Variants in CSMD3 observed in about 807,000 individuals in gnomAD.
CSMD3 encodes CUB and sushi domain-containing protein 3.
Under a neutral mutation model 435.2 loss-of-function variants are expected in CSMD3, and 177 were observed. The observed-to-expected ratio is 0.41, with a 90% CI of 0.36 to 0.46. The LOEUF is 0.46. Ranked by LOEUF, CSMD3 falls within the 20% of genes least tolerant of loss-of-function variation. CSMD3 has a pLI of 0.34. For missense variants in CSMD3, 4,265 were observed against 4,504.6 expected (o/e 0.95, Z 1.52); for synonymous variants, 1,656 against 1,520.5 (o/e 1.09, Z -2.07).
At chr8:112,236,349 T>A (rs1813597565) in intron 67 of CSMD3, among the ~76,000 whole-genome samples, 1 of 152,210 alleles carries the variant, frequency 6.6e-6, no homozygotes, top group South Asian at 2.1e-4. Flanking sequence ...TGCATTAATT[T>A]GAAAATATTT....
chr8:112,946,768 C>T (rs1366102016), intron 9 of CSMD3, among the ~76,000 whole-genome samples: 3 of 151,588 alleles, frequency 2.0e-5, no homozygotes, highest in South Asian at 2.1e-4. Flanking sequence ...TATTAAGTTT[C>T]GAGCGTGGTT....
chr8:112,954,713 C>T lies in CSMD3; in HGVS notation c.1391G>A (p.Gly464Glu), dbSNP rs1362320892. 6 of 1,604,390 alleles carry T rather than the reference C, an allele frequency of 3.7e-6. No homozygotes were observed. Among genetic ancestry groups the T allele is most frequent in the South Asian group, 1.1e-5 (1 of 90,746 alleles). Residue 464 changes from glycine to glutamate, a missense_variant, in exon 8 of 71, where the codon GGG (glycine) becomes GAG (glutamate). Around this residue, in one of 3 missense-constraint regions of CSMD3, gnomAD observed 731 missense variants for 755.4 expected, o/e 0.97. Coordinates refer to ENST00000297405, the MANE Select transcript of CSMD3 (RefSeq NM_198123.2). ...FKSRGFKLFPGKDNSNKFSIL... is the reference protein window; with the variant it reads ...FKSRGFKLFPEKDNSNKFSIL... ...AGAAAACTTGTTGCTGTTGTCTTTC[C>T]CTGGAAACAATTTAAATCCTCTAGA...
intron 18 of CSMD3, among the ~76,000 whole-genome samples, chr8:112,655,039 T>C (rs1228138941): frequency 6.6e-6 from 1 of 152,160 alleles, no homozygotes. Context: ...TTACAAAATA[T>C]GCTTTCATGC....
At chr8:113,066,616 G>A (rs1420224738) in intron 5 of CSMD3, among the ~76,000 whole-genome samples, 1 of 151,946 alleles carries the variant, frequency 6.6e-6, no homozygotes, top group Non-Finnish European at 1.5e-5. Context: ...CCTCATTTGG[G>A]CTAGTATTCC....
At position 112,503,979 on chromosome 8, in the gene CSMD3, TGA is replaced by T. The variant is rs1491453585; in HGVS notation, c.4896-4_4896-3del. ...TCATAGTTTGGTTCTATGCTAAAAC[TGA>T]AAAAAAAAAGGAAAGAACAAAAGAA... is the stretch of plus-strand genomic sequence containing the variant. On this transcript the variant is annotated splice_polypyrimidine_tract_variant and splice_region_variant and intron_variant, in intron 29 of 70. Coordinates refer to ENST00000297405, the MANE Select transcript of CSMD3 (RefSeq NM_198123.2). 322 of 1,232,704 alleles carry T rather than the reference TGA, an allele frequency of 2.6e-4. No homozygotes were observed. The highest frequency in any genetic ancestry group is 2.9e-4 in the Non-Finnish European group (260 of 890,304). The allele number at this position is 1,232,704 out of a possible 1,614,324, so 76.4% of individuals were successfully genotyped here.
At chr8:112,913,964 T>C (rs2082503575) in intron 10 of CSMD3, among the ~76,000 whole-genome samples, 1 of 152,058 alleles carries the variant, frequency 6.6e-6, no homozygotes, top group East Asian at 1.9e-4. Flanking sequence ...TCGTTGCTGT[T>C]TTTCCCACTG....
rs578095295 is a variant in CSMD3 at position 113,410,342 on chromosome 8, T to C, written c.178+26335A>G. Among the ~76,000 whole-genome samples the C allele has an allele frequency of 2.0e-5, 3 of 152,340 alleles. No homozygotes were observed. The South Asian group carries it at 6.2e-4, about 32-fold the overall frequency. ...CTCCTTAATTCCTTGCTAATTGATTTATGCTTCCACTATTCTACTGAGACA... is the reference window on the plus strand; with the variant it reads ...CTCCTTAATTCCTTGCTAATTGATTCATGCTTCCACTATTCTACTGAGACA... On this transcript the variant is annotated intron_variant, in intron 1 of 70. Transcript: ENST00000297405.
At chr8:112,847,426 A>T (rs2080355349) in intron 11 of CSMD3, among the ~76,000 whole-genome samples, 1 of 152,246 alleles carries the variant, frequency 6.6e-6, no homozygotes, top group South Asian at 2.1e-4. Flanking sequence ...GGGATAAACT[A>T]TCAGGTGTAA....
chr8:112,916,363 C>T (rs1386610949), intron 10 of CSMD3, among the ~76,000 whole-genome samples: 1 of 151,718 alleles, frequency 6.6e-6, no homozygotes, highest in Non-Finnish European at 1.5e-5. Flanking sequence ...CATCAAATAA[C>T]ATGTAAGTGA....
intron 4 of CSMD3, among the ~76,000 whole-genome samples, chr8:113,110,705 T>G (rs2090613478): frequency 6.6e-6 from 1 of 152,214 alleles, no homozygotes; most frequent in East Asian, 1.9e-4. Context: ...TTTTTCAGCA[T>G]GTACCTCAAA....
chr8:112,323,173 A>AAACC (rs1823163987), intron 45 of CSMD3, among the ~76,000 whole-genome samples: 1 of 152,128 alleles, frequency 6.6e-6, no homozygotes, highest in South Asian at 2.1e-4. Context: ...ACAAACAAAC[A>AAACC]AACCTCTTTT....
rs201546162 is a variant in CSMD3, at chr8:112,380,407, T to A, written c.6081A>T (p.Leu2027=). ...LLNSTSNNLY[L]NFQSDISVSA... ...AAACACTGATGTCTGATTGAAAATT[T>A]AGATACAGATTATTAGACGTACTAT... The change falls in exon 38 of 71, where the codon CTA becomes CTT. Residue 2027 remains leucine (L), a synonymous_variant. Coordinates refer to ENST00000297405, the MANE Select transcript of CSMD3 (RefSeq NM_198123.2). 4.7e-4 allele frequency: 761 copies of A among 1,604,028 alleles called. 1 individual carries two copies. The highest frequency in any genetic ancestry group is 6.2e-4 in the Non-Finnish European group (731 of 1,171,184).
At chr8:113,408,621 C>G (rs2094543555) in intron 1 of CSMD3, among the ~76,000 whole-genome samples, 1 of 149,684 alleles carries the variant, frequency 6.7e-6, no homozygotes, top group Non-Finnish European at 1.5e-5. Context: ...AGCATGCGCA[C>G]AGTTACAATA....
intron 1 of CSMD3, among the ~76,000 whole-genome samples, chr8:113,352,515 T>G (rs1447368466): frequency 6.6e-6 from 1 of 152,134 alleles, no homozygotes; most frequent in Non-Finnish European, 1.5e-5. Flanking sequence ...CTTTAGTAAT[T>G]TGTTACTCTA....
At chr8:112,516,020 A>C in intron 28 of CSMD3, among the ~76,000 whole-genome samples, 1 of 152,110 alleles carries the variant, frequency 6.6e-6, no homozygotes, top group East Asian at 1.9e-4. Flanking sequence ...GGGGTAAAAT[A>C]AATCTGAATA....
At chr8:112,870,393 C>T (rs1587529497) in intron 10 of CSMD3, among the ~76,000 whole-genome samples, 1 of 151,562 alleles carries the variant, frequency 6.6e-6, no homozygotes, top group Admixed American at 6.6e-5. Context: ...CTCAGCCTCC[C>T]GAGTAGCTGG....
chr8:113,247,384 C>T (rs1385267611), intron 3 of CSMD3, among the ~76,000 whole-genome samples: 1 of 152,068 alleles, frequency 6.6e-6, no homozygotes, highest in Non-Finnish European at 1.5e-5. Context: ...AGCTTGTCTT[C>T]CCCTTGCAGT....
At chr8:112,785,414 A>G (rs1321926355) in intron 13 of CSMD3, among the ~76,000 whole-genome samples, 9 of 152,088 alleles carry the variant, frequency 5.9e-5, no homozygotes, top group Non-Finnish European at 1.2e-4. Context: ...AGCTGGAACA[A>G]TAAGACAAGG....
chr8:112,936,416 A>C (rs1398338002), intron 9 of CSMD3, among the ~76,000 whole-genome samples: 1 of 152,150 alleles, frequency 6.6e-6, no homozygotes, highest in East Asian at 1.9e-4. Flanking sequence ...CACAAAATTT[A>C]CATATACATA....
Sources: gnomAD v4.1 joint callset for allele counts (sites outside exome capture counted in the v4.1 genomes callset) on GRCh38, gnomAD v4.1.1 for gene constraint, gnomAD v4.1.1 regional missense constraint, MANE v1.5 for transcripts, NCBI Gene and HGNC (gene_info 2026-07-23, HGNC 2026-07-21) for gene names.